The following DNM3 variants were observed in gnomAD, a reference collection of about 807,000 sequenced individuals.
DNM3 encodes the protein dynamin 3.
DNM3 carries 47 observed loss-of-function variants against 101.6 expected under a neutral mutation model. The observed-to-expected ratio is 0.46, with a 90% CI of 0.37 to 0.59. The LOEUF (loss-of-function observed/expected upper bound fraction) is 0.59, where lower values mean the gene tolerates loss of function less well. DNM3 is among the 20% of genes least tolerant of loss of function. The probability of loss-of-function intolerance (pLI) is 0.00; values close to 1 mark genes in which losing one functional copy is unlikely to be tolerated. For synonymous variants in DNM3, 385 were observed against 387.9 expected, an observed-to-expected ratio of 0.99 and a Z score of 0.09; for missense variants, 849 against 1,085.7, an observed-to-expected ratio of 0.78 and a Z score of 3.06.
chr1:172,379,134 T>C lies in DNM3; in HGVS notation c.2010T>C (p.Cys670=), dbSNP rs2068759161. 4 of 1,611,442 alleles carry C rather than the reference T, an allele frequency of 2.5e-6. No homozygotes were observed. The highest frequency in any genetic ancestry group is 3.4e-6 in the Non-Finnish European group (4 of 1,178,518). The part of the protein sequence containing the change: ...VDSYMSIINK[C]IRDLIPKTIM... The stretch of plus-strand genomic sequence containing the variant: ...CCTACATGTCCATTATCAACAAATG[T>C]ATCCGAGATCTAATTCCAAAAACAA... The change falls in exon 18 of 21, where the codon TGT becomes TGC. Residue 670 remains cysteine (C), a synonymous_variant. Transcript: ENST00000627582.
chr1:171,846,510 A>G (rs2124966206), intron 1 of DNM3, among the ~76,000 whole-genome samples: 1 of 152,358 alleles, frequency 6.6e-6, no homozygotes, highest in African/African-American at 2.4e-5. Flanking sequence ...GTATACATTT[A>G]GAGTGTTAGG....
chr1:171,876,756 G>C (rs1424189579), intron 1 of DNM3, among the ~76,000 whole-genome samples: 1 of 152,192 alleles, frequency 6.6e-6, no homozygotes, highest in Non-Finnish European at 1.5e-5. Flanking sequence ...CTAAAGTACT[G>C]TGTTTGGGGA....
chr1:172,212,054 A>G (rs1227686763), intron 14 of DNM3, among the ~76,000 whole-genome samples: 1 of 152,140 alleles, frequency 6.6e-6, no homozygotes, highest in Non-Finnish European at 1.5e-5. Context: ...AATAGGCAGT[A>G]ATTTGGTTTT....
At chr1:172,387,036 TG>T in intron 18 of DNM3, 96 bp from the exon 19 acceptor site, 1 of 1,052,840 alleles carries the variant, frequency 9.5e-7, no homozygotes, top group Non-Finnish European at 1.4e-6. Context: ...TGGACTTTGG[TG>T]GACTTTGTCC....
chr1:172,147,259 A>C (rs1434431608), intron 14 of DNM3, among the ~76,000 whole-genome samples: 1 of 152,116 alleles, frequency 6.6e-6, no homozygotes, highest in Non-Finnish European at 1.5e-5. Flanking sequence ...TGCAGTTTAA[A>C]AAGTTGGTCA....
intron 17 of DNM3, 120 bp from the exon 18 acceptor site, chr1:172,378,898 C>T (rs780742512): frequency 1.7e-5 from 19 of 1,124,316 alleles, no homozygotes; most frequent in African/African-American, 4.8e-5. Flanking sequence ...AAAATGTTAC[C>T]ATCTACTGAT....
chr1:172,039,924 A>G (rs1263261138), intron 7 of DNM3, among the ~76,000 whole-genome samples: 1 of 152,104 alleles, frequency 6.6e-6, no homozygotes, highest in Non-Finnish European at 1.5e-5. Flanking sequence ...ATTTAACACA[A>G]TTAATTGTGT....
chr1:172,314,901 C>T (rs1276154104), intron 16 of DNM3, among the ~76,000 whole-genome samples: 6 of 152,132 alleles, frequency 3.9e-5, no homozygotes, highest in Non-Finnish European at 8.8e-5. Flanking sequence ...TCTCCCAGCA[C>T]GCAGCTGGAG....
intron 20 of DNM3, among the ~76,000 whole-genome samples, chr1:172,394,793 C>T (rs1266501865): frequency 6.6e-6 from 1 of 152,142 alleles, no homozygotes; most frequent in Admixed American, 6.5e-5. Flanking sequence ...TTCCTGCAAC[C>T]AGTCAGTAGC....
intron 2 of DNM3, among the ~76,000 whole-genome samples, chr1:171,935,887 A>G (rs2041378308): frequency 6.9e-6 from 1 of 144,316 alleles, no homozygotes; most frequent in South Asian, 2.2e-4. Flanking sequence ...TGGTTAAGCC[A>G]TGTGTCAAAC....
chr1:171,991,240 G>T (rs1288120624), intron 4 of DNM3, among the ~76,000 whole-genome samples: 1 of 152,008 alleles, frequency 6.6e-6, no homozygotes, highest in Non-Finnish European at 1.5e-5. Context: ...ATTTTATTCT[G>T]ATACTATTTA....
Position 172,313,284 on chromosome 1 carries a change from T to G in DNM3, c.1881+4445T>G, listed in dbSNP as rs575178477. Among the ~76,000 whole-genome samples the G allele has an allele frequency of 1.1e-4, 16 of 152,348 alleles. No individual in the cohort carries two copies. In the East Asian group the frequency reaches 2.9e-3, roughly 28 times the overall value. The stretch of plus-strand genomic sequence containing the variant: ...TGATGAGACTGAAATACAATCAGTC[T>G]GTATTGTGTGTGCGTATGTATCAGT... On this transcript the variant is annotated intron_variant, in intron 16 of 20. Coordinates refer to ENST00000627582, the MANE Select transcript of DNM3 (RefSeq NM_015569.5).
intron 15 of DNM3, among the ~76,000 whole-genome samples, chr1:172,291,423 G>C (rs1314968872): frequency 2.6e-5 from 4 of 152,154 alleles, no homozygotes; most frequent in African/African-American, 4.8e-5. Context: ...GGAGAGACAG[G>C]ACCCCATGTC....
In DNM3 at chr1:172,411,934, G is replaced by C; in HGVS notation, c.*4093G>C. On this transcript the variant is annotated 3_prime_UTR_variant, in exon 21 of 21. Transcript: ENST00000627582. The stretch of plus-strand genomic sequence containing the variant: ...CTAAAAAGCTCAAATGAGTCTTCTA[G>C]ATACTCTTACTCATCCTGTCTGGTT... 1 of 985,750 alleles carries C rather than the reference G, an allele frequency of 1.0e-6. No individual in the cohort carries two copies. The highest frequency in any genetic ancestry group is 1.2e-6 in the Non-Finnish European group (1 of 829,844). 61.1% of individuals were successfully genotyped at this position (985,750 alleles called of 1,614,324 possible).
chr1:172,131,546 A>C (rs1163208380), intron 14 of DNM3, among the ~76,000 whole-genome samples: 2 of 152,198 alleles, frequency 1.3e-5, no homozygotes, highest in Non-Finnish European at 2.9e-5. Context: ...GGAGGTAGGC[A>C]TCAAAGTTGA....
At chr1:172,141,517 G>A (rs185551580) in intron 14 of DNM3, among the ~76,000 whole-genome samples, 63 of 152,190 alleles carry the variant, frequency 4.1e-4, no homozygotes, top group African/African-American at 1.5e-3. Flanking sequence ...TCTCTTTACC[G>A]AGCATGGATG....
chr1:171,885,874 T>C (rs745480169), intron 1 of DNM3, among the ~76,000 whole-genome samples: 3 of 152,076 alleles, frequency 2.0e-5, no homozygotes, highest in Non-Finnish European at 4.4e-5. Context: ...AGGGGGTGGA[T>C]AGATCTTGGA....
intron 17 of DNM3, among the ~76,000 whole-genome samples, chr1:172,373,190 C>G (rs7518039): frequency 6.6e-6 from 1 of 151,828 alleles, no homozygotes; most frequent in African/African-American, 2.4e-5. Flanking sequence ...ATTTGAGGGA[C>G]AATGTAAATA....
chr1:171,894,390 T>C (rs2037579899), intron 1 of DNM3, among the ~76,000 whole-genome samples: 1 of 152,156 alleles, frequency 6.6e-6, no homozygotes, highest in African/African-American at 2.4e-5. Flanking sequence ...TGCTTTATTT[T>C]TACTTATTTT....
Sources: gnomAD v4.1 joint callset for allele counts (sites outside exome capture counted in the v4.1 genomes callset) on GRCh38, gnomAD v4.1.1 for gene constraint, MANE v1.5 for transcripts, NCBI Gene and HGNC (gene_info 2026-07-23, HGNC 2026-07-21) for gene names.